Variants in GABPB1 observed in about 807,000 individuals in gnomAD.
GABPB1 encodes the protein GA-binding protein subunit beta-1.
GABPB1 carries 15 observed loss-of-function variants against 45.9 expected under a neutral mutation model. That is an observed-to-expected ratio of 0.33 (90% CI 0.22 to 0.50). The LOEUF (loss-of-function observed/expected upper bound fraction) is 0.50. GABPB1 is among the 20% of genes least tolerant of loss of function. The pLI, the probability that GABPB1 is intolerant of heterozygous loss-of-function variation, is 0.98. For synonymous variants in GABPB1, 143 were observed against 154.4 expected, an observed-to-expected ratio of 0.93 and a Z score of 0.55; for missense variants, 252 against 457.5, an observed-to-expected ratio of 0.55 and a Z score of 4.10.
At chr15:50,281,418 A>C (rs59514998) in intron 8 of GABPB1, among the ~76,000 whole-genome samples, 1 of 152,082 alleles carries the variant, frequency 6.6e-6, no homozygotes, top group Admixed American at 6.5e-5. Context: ...TCACCATGTT[A>C]GCCAGGATGG....
chr15:50,316,090 G>C (rs988991339), intron 1 of GABPB1, among the ~76,000 whole-genome samples: 1 of 152,098 alleles, frequency 6.6e-6, no homozygotes, highest in Non-Finnish European at 1.5e-5. Flanking sequence ...CAGACATAAA[G>C]TGCTAGATTT....
At chr15:50,335,594 T>C (rs1193326404) in intron 1 of GABPB1, among the ~76,000 whole-genome samples, 1 of 152,156 alleles carries the variant, frequency 6.6e-6, no homozygotes, top group Non-Finnish European at 1.5e-5. Flanking sequence ...CATTTTCAAT[T>C]GTCTTCAAAA....
chr15:50,294,555 T>C (rs1595748412), intron 6 of GABPB1, among the ~76,000 whole-genome samples: 1 of 151,994 alleles, frequency 6.6e-6, no homozygotes, highest in South Asian at 2.1e-4. Flanking sequence ...ACTATATTCA[T>C]TGAAGAAAAA....
At chr15:50,335,621 G>A (rs1317614649) in intron 1 of GABPB1, among the ~76,000 whole-genome samples, 3 of 152,094 alleles carry the variant, frequency 2.0e-5, no homozygotes, top group East Asian at 3.9e-4. Context: ...CTGGTCGGCC[G>A]GGTGCAGTGG....
intron 2 of GABPB1, among the ~76,000 whole-genome samples, chr15:50,308,063 T>A (rs2047006908): frequency 6.6e-6 from 1 of 152,238 alleles, no homozygotes; most frequent in African/African-American, 2.4e-5. Context: ...TTCTAATCTG[T>A]TACTAAAATT....
chr15:50,281,870 G>A (rs982196343), intron 8 of GABPB1, among the ~76,000 whole-genome samples: 5 of 152,196 alleles, frequency 3.3e-5, no homozygotes, highest in Non-Finnish European at 7.4e-5. Context: ...GGAAGGCCAA[G>A]GCAGGTGGAT....
chr15:50,327,493 C>A (rs1044943018), intron 1 of GABPB1, among the ~76,000 whole-genome samples: 1 of 152,208 alleles, frequency 6.6e-6, no homozygotes, highest in African/African-American at 2.4e-5. Context: ...CTACATAGTA[C>A]CTGCCCTTAA....
intron 1 of GABPB1, among the ~76,000 whole-genome samples, chr15:50,337,075 GTATATATATATATATATATATATATA>G (rs869106382): frequency 2.8e-4 from 4 of 14,200 alleles, no homozygotes; most frequent in African/African-American, 5.8e-4. Flanking sequence ...ATATGTGTGT[GTATATATATATATATATATATATATA>G]TATATATATA....
intron 2 of GABPB1, among the ~76,000 whole-genome samples, chr15:50,306,037 C>G (rs2046938185): frequency 1.3e-5 from 2 of 152,020 alleles, no homozygotes; most frequent in Admixed American, 1.3e-4. Flanking sequence ...TGCAGTGGAG[C>G]TATCGTAGCT....
At chr15:50,332,993 C>T (rs894127640) in intron 1 of GABPB1, among the ~76,000 whole-genome samples, 1 of 152,126 alleles carries the variant, frequency 6.6e-6, no homozygotes, top group Non-Finnish European at 1.5e-5. Context: ...CCTTTAAAAA[C>T]ATACTGTCCA....
At chr15:50,303,579 G>C (rs1405829220) in intron 3 of GABPB1, among the ~76,000 whole-genome samples, 1 of 151,980 alleles carries the variant, frequency 6.6e-6, no homozygotes, top group Non-Finnish European at 1.5e-5. Context: ...CTACTCGGGA[G>C]GCTGAGGCAG....
In GABPB1 at chr15:50,308,463, C is replaced by T. The variant is rs115143615; in HGVS notation, c.108+1228G>A. Among the ~76,000 whole-genome samples the T allele has an allele frequency of 8.1e-3, 1,240 of 152,298 alleles. 17 individuals carry two copies. Among genetic ancestry groups the T allele is most frequent in the African/African-American group, 0.029 (1,185 of 41,564 alleles). Reference sequence around the variant, plus strand: ...TCAGCTTATTATCTTTGCAGCATCACGGCAACAGGGGCAAGGGCAGGAGCA... The same window carrying T: ...TCAGCTTATTATCTTTGCAGCATCATGGCAACAGGGGCAAGGGCAGGAGCA... On this transcript the variant is annotated intron_variant, in intron 2 of 8. Transcript: ENST00000380877.
intron 8 of GABPB1, among the ~76,000 whole-genome samples, 198 bp from the exon 9 acceptor site, chr15:50,278,982 T>A (rs745481668): frequency 6.6e-6 from 1 of 152,112 alleles, no homozygotes; most frequent in African/African-American, 2.4e-5. Flanking sequence ...CATTATGAGA[T>A]ATGGATTAAT....
chr15:50,339,311 C>T (rs997380392), intron 1 of GABPB1, among the ~76,000 whole-genome samples: 2 of 151,864 alleles, frequency 1.3e-5, no homozygotes, highest in Non-Finnish European at 2.9e-5. Flanking sequence ...AAGTGAGACT[C>T]CATCTCAAAA....
At chr15:50,343,519 C>T (rs942330502) in intron 1 of GABPB1, among the ~76,000 whole-genome samples, 21 of 151,920 alleles carry the variant, frequency 1.4e-4, no homozygotes, top group African/African-American at 4.8e-4. Context: ...AGATAGCTAC[C>T]ACATCCCACC....
intron 1 of GABPB1, among the ~76,000 whole-genome samples, chr15:50,347,135 C>T (rs2048620450): frequency 6.6e-6 from 1 of 152,010 alleles, no homozygotes; most frequent in Non-Finnish European, 1.5e-5. Flanking sequence ...AGGGCTCTAC[C>T]CACCTGAGCT....
intron 1 of GABPB1, among the ~76,000 whole-genome samples, chr15:50,315,561 A>G (rs2047294625): frequency 6.6e-6 from 1 of 152,260 alleles, no homozygotes; most frequent in Admixed American, 6.5e-5. Context: ...GACAAAAATC[A>G]AAGGTCCTCT....
At chr15:50,354,488 G>A (rs749396173) in intron 1 of GABPB1, 20 of 448,812 alleles carry the variant, frequency 4.5e-5, no homozygotes, top group Middle Eastern at 3.4e-4. Flanking sequence ...CCTCTCCGGA[G>A]AGCCCGGCGG....
Position 50,337,995 on chromosome 15 carries a change from CA to C in GABPB1, c.-1+16989del, listed in dbSNP as rs1025398498. On this transcript the variant is annotated intron_variant, in intron 1 of 8. Transcript: ENST00000380877. ...ATCAGATTCTGAAATATAATTCATT[CA>C]AAAAAAAATTTAAACTCTAAATTAT... is the stretch of plus-strand genomic sequence containing the variant. Among the ~76,000 whole-genome samples the C allele has an allele frequency of 2.5e-4, 38 of 151,386 alleles. 1 individual carries two copies. Among genetic ancestry groups the C allele is most frequent in the African/African-American group, 5.1e-4 (21 of 41,308 alleles).
Sources: gnomAD v4.1 joint callset for allele counts (sites outside exome capture counted in the v4.1 genomes callset) on GRCh38, gnomAD v4.1.1 for gene constraint, MANE v1.5 for transcripts, NCBI Gene and HGNC (gene_info 2026-07-23, HGNC 2026-07-21) for gene names.